The following PUM2 variants were observed in gnomAD, a reference collection of about 807,000 sequenced individuals.
PUM2 encodes pumilio homolog 2.
Under a neutral mutation model 124.5 loss-of-function variants are expected in PUM2, and 57 were observed. That is an observed-to-expected ratio of 0.46 (90% confidence interval 0.37 to 0.57). The LOEUF (loss-of-function observed/expected upper bound fraction) is 0.57. PUM2 is among the 20% of genes least tolerant of loss of function. The pLI, the probability that PUM2 is intolerant of heterozygous loss-of-function variation, is 0.00. For missense variants in PUM2, 1,065 were observed against 1,290.6 expected (o/e 0.83, Z 2.68); for synonymous variants, 460 against 446.1 (o/e 1.03, Z -0.39).
At chr2:20,289,188 A>G (rs1422894374) in intron 10 of PUM2, among the ~76,000 whole-genome samples, 1 of 152,146 alleles carries the variant, frequency 6.6e-6, no homozygotes, top group African/African-American at 2.4e-5. Flanking sequence ...AATGAGTAAT[A>G]GGGCCAGCAT....
intron 2 of PUM2, among the ~76,000 whole-genome samples, chr2:20,321,769 G>T (rs1682432595): frequency 6.6e-6 from 1 of 152,106 alleles, no homozygotes; most frequent in Non-Finnish European, 1.5e-5. Flanking sequence ...AAACCGTTAA[G>T]ATCTATAAAA....
chr2:20,313,671 A>G (rs1680195740), intron 3 of PUM2, among the ~76,000 whole-genome samples: 1 of 151,882 alleles, frequency 6.6e-6, no homozygotes, highest in African/African-American at 2.4e-5. Flanking sequence ...CTCTACAAAA[A>G]GTTTAAAAAT....
intron 18 of PUM2, 73 bp from the exon 19 acceptor site, chr2:20,255,057 T>G (rs1664430004): frequency 3.9e-6 from 6 of 1,532,038 alleles, no homozygotes; most frequent in Non-Finnish European, 5.3e-6. Context: ...GACATGTTAA[T>G]CATTTCATCT....
At chr2:20,289,512 G>C (rs1673511520) in intron 10 of PUM2, among the ~76,000 whole-genome samples, 1 of 152,092 alleles carries the variant, frequency 6.6e-6, no homozygotes, top group African/African-American at 2.4e-5. Context: ...CATGACAGTA[G>C]AGTCCAGGAA....
At chr2:20,339,325 A>T (rs1482133260) in intron 1 of PUM2, among the ~76,000 whole-genome samples, 2 of 151,962 alleles carry the variant, frequency 1.3e-5, no homozygotes, top group African/African-American at 2.4e-5. Flanking sequence ...GAAAATGACC[A>T]GGGTTAACCC....
At chr2:20,261,263 C>T (rs1380417400) in intron 14 of PUM2, among the ~76,000 whole-genome samples, 9 of 151,368 alleles carry the variant, frequency 5.9e-5, no homozygotes, top group Non-Finnish European at 8.8e-5. Flanking sequence ...CGGTGGCAGA[C>T]GCCTGTAAGC....
intron 8 of PUM2, among the ~76,000 whole-genome samples, chr2:20,295,592 AG>A (rs1337517663): frequency 2.6e-5 from 4 of 152,288 alleles, no homozygotes; most frequent in African/African-American, 7.2e-5. Flanking sequence ...AATAATAAAA[AG>A]GGTACACCGT....
rs1662838684 is a variant in PUM2, at chr2:20,249,692, A to G, written c.*1893T>C. On this transcript the variant is annotated 3_prime_UTR_variant, in exon 21 of 21. Coordinates refer to ENST00000361078, the MANE Select transcript of PUM2 (RefSeq NM_015317.5). The stretch of plus-strand genomic sequence containing the variant: ...TCTCTAGTAAAAAAAGATCTCTTCC[A>G]TATTCAGCTGACAGAATAGCATGTT... 6.6e-6 allele frequency: 1 copy of G among 152,646 alleles called. No homozygotes were observed. 9.5% of individuals were successfully genotyped at this position (152,646 alleles called of 1,614,324 possible). A position where few individuals can be genotyped will look rare whatever the true frequency, so the allele number is the denominator to read the frequency against.
chr2:20,311,404 A>G, intron 5 of PUM2, 90 bp downstream of exon 5: 1 of 1,352,170 alleles, frequency 7.4e-7, no homozygotes, highest in South Asian at 1.6e-5. Flanking sequence ...ATAAACCTAA[A>G]TGATGAAAAT....
At chr2:20,316,726 A>C (rs980952093) in intron 3 of PUM2, among the ~76,000 whole-genome samples, 21 of 152,074 alleles carry the variant, frequency 1.4e-4, no homozygotes, top group African/African-American at 5.1e-4. Context: ...TCTCTAAAAG[A>C]AAGTTTTAAA....
intron 20 of PUM2, among the ~76,000 whole-genome samples, chr2:20,252,645 C>T (rs1005835930): frequency 3.9e-5 from 6 of 152,064 alleles, no homozygotes; most frequent in African/African-American, 1.4e-4. Context: ...TTTCCTGCTG[C>T]AATTACTAAT....
At chr2:20,260,230 T>C (rs1026120236) in intron 15 of PUM2, 107 bp downstream of exon 15, 4 of 1,218,482 alleles carry the variant, frequency 3.3e-6, no homozygotes, top group Non-Finnish European at 4.5e-6. Flanking sequence ...CCTGGCTTAT[T>C]ATCTTTTTTT....
intron 13 of PUM2, among the ~76,000 whole-genome samples, chr2:20,276,975 C>T (rs1670409524): frequency 6.6e-6 from 1 of 151,964 alleles, no homozygotes; most frequent in African/African-American, 2.4e-5. Context: ...TCTTTACAAC[C>T]TAAAGAAAGG....
Position 20,350,734 on chromosome 2 carries a change from CCA to C in PUM2, c.-158_-157del. ...TTTCTCCACCTACCACCCTCCCCCC[CCA>C]CCCCACCTCCTCCTTCTCCTCCCCC... is the stretch of plus-strand genomic sequence containing the variant. On this transcript the variant is annotated 5_prime_UTR_variant, in exon 1 of 21. Coordinates refer to ENST00000361078, the MANE Select transcript of PUM2 (RefSeq NM_015317.5). The C allele has an allele frequency of 3.1e-6, 3 of 969,114 alleles. No individual in the cohort carries two copies. Among genetic ancestry groups the C allele is most frequent in the Non-Finnish European group, 3.7e-6 (3 of 818,348 alleles). 60.0% of individuals were successfully genotyped at this position (969,114 alleles called of 1,614,324 possible). A position where few individuals can be genotyped will look rare whatever the true frequency, so the allele number is the denominator to read the frequency against.
intron 2 of PUM2, among the ~76,000 whole-genome samples, chr2:20,321,572 A>G (rs543773832): frequency 2.6e-5 from 4 of 152,300 alleles, no homozygotes; most frequent in Non-Finnish European, 5.9e-5. Flanking sequence ...GGTGACTAAT[A>G]ATAGGTTAAA....
intron 15 of PUM2, among the ~76,000 whole-genome samples, chr2:20,259,842 A>G (rs1665738540): frequency 6.6e-6 from 1 of 152,162 alleles, no homozygotes; most frequent in African/African-American, 2.4e-5. Context: ...TAATTTTGAG[A>G]AACTGCCAAA....
At chr2:20,317,769 G>A (rs900968542) in intron 3 of PUM2, among the ~76,000 whole-genome samples, 3 of 151,884 alleles carry the variant, frequency 2.0e-5, no homozygotes, top group Non-Finnish European at 4.4e-5. Context: ...CTGTGTTCTC[G>A]TCATAAGTGA....
At chr2:20,281,160 G>A (rs1405892129) in intron 12 of PUM2, among the ~76,000 whole-genome samples, 1 of 152,116 alleles carries the variant, frequency 6.6e-6, no homozygotes, top group Non-Finnish European at 1.5e-5. Flanking sequence ...AGATACGATG[G>A]ACTCTTTACT....
At chr2:20,298,801 T>C (rs1027602310) in intron 7 of PUM2, among the ~76,000 whole-genome samples, 12 of 152,180 alleles carry the variant, frequency 7.9e-5, no homozygotes, top group African/African-American at 2.4e-4. Context: ...ATAACGCCAC[T>C]GCACTCCAGC....
Sources: allele counts gnomAD v4.1 joint callset (sites outside exome capture counted in the v4.1 genomes callset), GRCh38; gene constraint gnomAD v4.1.1; transcripts MANE v1.5; gene names NCBI Gene and HGNC (gene_info 2026-07-23, HGNC 2026-07-21).